Variants in SAMSN1 observed in about 807,000 individuals in gnomAD.
SAMSN1 encodes the protein SAM domain-containing protein SAMSN-1.
Under a neutral mutation model 42.0 loss-of-function variants are expected in SAMSN1, and 31 were observed. The ratio of observed to expected loss-of-function variants is 0.74; its 90% CI spans 0.55 to 1.00. SAMSN1 has a LOEUF of 1.00. SAMSN1 is among the 50% of genes least tolerant of loss of function. The pLI, the probability that SAMSN1 is intolerant of heterozygous loss-of-function variation, is 0.00. For missense variants in SAMSN1, 464 were observed against 439.4 expected, an observed-to-expected ratio of 1.06 and a Z score of -0.50; for synonymous variants, 178 against 151.9, an observed-to-expected ratio of 1.17 and a Z score of -1.26.
intron 1 of SAMSN1, among the ~76,000 whole-genome samples, chr21:14,525,943 C>T (rs565999801): frequency 6.7e-4 from 102 of 152,256 alleles, no homozygotes; most frequent in Non-Finnish European, 1.3e-3. Context: ...CGGCTCACTG[C>T]AAACTTCACC....
At chr21:14,641,323 C>T (rs1983593133) in intron 2 of SAMSN1, among the ~76,000 whole-genome samples, 1 of 152,092 alleles carries the variant, frequency 6.6e-6, no homozygotes, top group Non-Finnish European at 1.5e-5. Flanking sequence ...TCTAACATTG[C>T]TTTCTAATTG....
At chr21:14,515,872 C>G (rs1987890697) in intron 3 of SAMSN1, among the ~76,000 whole-genome samples, 2 of 152,076 alleles carry the variant, frequency 1.3e-5, no homozygotes, top group African/African-American at 4.8e-5. Context: ...AGATAAATGG[C>G]TAAAAAGCAC....
intron 5 of SAMSN1, chr21:14,609,375 C>T: frequency 7.5e-6 from 5 of 670,774 alleles, no homozygotes; most frequent in African/African-American, 3.6e-5. Flanking sequence ...TTAAGTAGAC[C>T]ATAATGGTCT....
rs749659421 is a variant in SAMSN1, at chr21:14,580,969, CTT to C, written c.261+1165_261+1166del. On this transcript the variant is annotated intron_variant, in intron 2 of 8. Coordinates refer to the SAMSN1 transcript ENST00000285670. ...AGGAAATTGAAAAAAAAGTACCACT[CTT>C]AAGTACTAGAAGATTTATAATATTT... is the stretch of plus-strand genomic sequence containing the variant. Among the ~76,000 whole-genome samples, 97 of 152,218 alleles carry C rather than the reference CTT, an allele frequency of 6.4e-4. 5 individuals are homozygous for C. The highest frequency in any genetic ancestry group is 2.0e-3 in the Admixed American group (30 of 15,292).
chr21:14,556,505 T>TCATACA (rs903270630), intron 2 of SAMSN1, among the ~76,000 whole-genome samples: 7 of 152,234 alleles, frequency 4.6e-5, no homozygotes, highest in African/African-American at 1.7e-4. Context: ...ATGCGTGTGT[T>TCATACA]CATACACATA....
intron 5 of SAMSN1, among the ~76,000 whole-genome samples, chr21:14,507,288 A>G (rs915062754): frequency 1.3e-5 from 2 of 152,224 alleles, no homozygotes; most frequent in South Asian, 4.1e-4. Flanking sequence ...TTTACTTAGA[A>G]AACCATAAAG....
intron 2 of SAMSN1, among the ~76,000 whole-genome samples, chr21:14,579,590 A>C (rs945035211): frequency 9.2e-5 from 14 of 151,690 alleles, no homozygotes; most frequent in Admixed American, 1.3e-4. Context: ...AGTGCTACTC[A>C]AATATTTATT....
intron 2 of SAMSN1, among the ~76,000 whole-genome samples, chr21:14,556,808 C>T (rs965898507): frequency 1.3e-5 from 2 of 152,178 alleles, no homozygotes; most frequent in Admixed American, 6.5e-5. Context: ...TTACCTGCAA[C>T]TCAATTCTAT....
intron 1 of SAMSN1, among the ~76,000 whole-genome samples, chr21:14,650,692 A>C (rs1360169682): frequency 6.6e-6 from 1 of 152,128 alleles, no homozygotes; most frequent in East Asian, 1.9e-4. Context: ...GTCAGAGCCA[A>C]AATTAATGAA....
intron 1 of SAMSN1, among the ~76,000 whole-genome samples, chr21:14,658,244 C>T (rs147335021): frequency 1.8e-4 from 28 of 151,804 alleles, no homozygotes; most frequent in African/African-American, 6.8e-4. Flanking sequence ...AGCACATCTC[C>T]AGGACTGGAT....
Position 14,485,930 on chromosome 21 carries a change from G to T in SAMSN1, c.1104C>A (p.Ile368=). ...TGCGTGTTCAGTCACTTGGCTCTGT[G>T]ATAATAATCTTATGTACCATGTCAG... ...NLSDMVHKII[I]TEPSD is the part of the protein sequence containing the mutation. The change falls in exon 8 of 8, where the codon ATC becomes ATA. Residue 368 remains isoleucine, a synonymous_variant. Transcript: ENST00000400566. 1 of 1,613,432 alleles carries T rather than the reference G, an allele frequency of 6.2e-7. No homozygotes were observed. The highest frequency in any genetic ancestry group is 8.5e-7 in the Non-Finnish European group (1 of 1,179,504).
At chr21:14,507,392 C>T (rs779165170) in intron 5 of SAMSN1, among the ~76,000 whole-genome samples, 1 of 152,152 alleles carries the variant, frequency 6.6e-6, no homozygotes, top group Non-Finnish European at 1.5e-5. Context: ...CTTTTATACA[C>T]TAACAGTGAT....
chr21:14,571,851 G>A (rs183770221), intron 2 of SAMSN1, among the ~76,000 whole-genome samples: 84 of 152,224 alleles, frequency 5.5e-4, no homozygotes, highest in Admixed American at 2.8e-3. Context: ...CCCCCAAGAA[G>A]CTAAAAGTAA....
At chr21:14,500,885 G>C in intron 5 of SAMSN1, 150 bp from the exon 6 acceptor site, 1 of 693,272 alleles carries the variant, frequency 1.4e-6, no homozygotes, top group Non-Finnish European at 2.4e-6. Flanking sequence ...TGCTTCAAAA[G>C]TTCAGGCTGG....
At chr21:14,588,380 C>G (rs555115462), upstream of SAMSN1, among the ~76,000 whole-genome samples, 32 of 142,796 alleles carry the variant, frequency 2.2e-4, no homozygotes, top group African/African-American at 4.1e-4. Context: ...AAAAGTGTTC[C>G]TATTTCTCCA....
chr21:14,591,826 C>G (rs1181985975), intron 7 of SAMSN1: 1 of 152,066 alleles, frequency 6.6e-6, no homozygotes, highest in Non-Finnish European at 1.5e-5. Flanking sequence ...TCCTCTCAAG[C>G]AGATTTTGAT....
chr21:14,608,359 T>A (rs971329873), intron 5 of SAMSN1, among the ~76,000 whole-genome samples: 3 of 152,198 alleles, frequency 2.0e-5, no homozygotes, highest in Non-Finnish European at 4.4e-5. Flanking sequence ...GTGCTGTTTC[T>A]CACAGTGGAA....
chr21:14,526,133 G>T (rs530041115), intron 1 of SAMSN1, among the ~76,000 whole-genome samples: 1 of 152,298 alleles, frequency 6.6e-6, no homozygotes, highest in East Asian at 1.9e-4. Context: ...CTCCCAAAGT[G>T]CTGGGATTAC....
At chr21:14,653,380 G>C (rs757616633) in intron 1 of SAMSN1, among the ~76,000 whole-genome samples, 21 of 151,982 alleles carry the variant, frequency 1.4e-4, no homozygotes, top group Non-Finnish European at 2.7e-4. Flanking sequence ...TATGGTAAGT[G>C]AAATAATTCA....
Sources: gnomAD v4.1 joint callset for allele counts (sites outside exome capture counted in the v4.1 genomes callset) on GRCh38, gnomAD v4.1.1 for gene constraint, MANE v1.5 for transcripts, NCBI Gene and HGNC (gene_info 2026-07-23, HGNC 2026-07-21) for gene names.